Variants in DIP2A observed in about 807,000 individuals in gnomAD.
The protein encoded by DIP2A is DIP2 acetate--CoA ligase A, also known as disco-interacting protein 2 homolog A.
In DIP2A, 85 loss-of-function variants were observed where a neutral mutation model predicts 177.4. That is an observed-to-expected ratio of 0.48 (90% CI 0.40 to 0.57). The LOEUF is 0.57. Ranked by LOEUF, DIP2A falls within the 20% of genes least tolerant of loss-of-function variation. The pLI is 0.00. For missense variants in DIP2A, 1,791 were observed against 2,100.2 expected, an observed-to-expected ratio of 0.85 and a Z score of 2.88; for synonymous variants, 886 against 881.8, an observed-to-expected ratio of 1.00 and a Z score of -0.08.
chr21:46,459,336 C>A, intron 1 of DIP2A, 114 bp downstream of exon 1: 1 of 812,286 alleles, frequency 1.2e-6, no homozygotes, highest in Middle Eastern at 3.8e-4. Flanking sequence ...CCGCCCTTCA[C>A]CCCCGGGACC....
At position 46,514,520 on chromosome 21, in the gene DIP2A, T is replaced by C. The variant is rs553415143; in HGVS notation, c.1102+2906T>C. ...CTTTGTTTACTCATAATTAGAAGTT[T>C]GTCTATATATCTTTTGTATTACCTG... is the stretch of plus-strand genomic sequence containing the variant. On this transcript the variant is annotated intron_variant, in intron 8 of 37. Transcript: ENST00000417564. 3.3e-5 allele frequency among the ~76,000 whole-genome samples: 5 copies of C among 152,136 alleles called. No individual in the cohort carries two copies. The East Asian group carries it at 9.6e-4, about 29-fold the overall frequency.
downstream of DIP2A, among the ~76,000 whole-genome samples, chr21:46,570,839 A>C (rs1241664331): frequency 6.6e-6 from 1 of 152,206 alleles, no homozygotes; most frequent in African/African-American, 2.4e-5. Flanking sequence ...CCTAAATTTG[A>C]TGAAAGACCT....
rs1460744192 is a variant in DIP2A, at chr21:46,509,454, A to T, written c.904+78A>T. 5 of 1,513,596 alleles carry T rather than the reference A, an allele frequency of 3.3e-6. No individual in the cohort carries two copies. The Admixed American group carries it at 6.2e-5, about 19-fold the overall frequency. 93.8% of individuals were successfully genotyped at this position (1,513,596 alleles called of 1,614,324 possible). A position where few individuals can be genotyped will look rare whatever the true frequency, so the allele number is the denominator to read the frequency against. ...GAAGTTGAGAAACACAGGCAAATGTATATTATACATGGATATTGCTATATA... is the reference window on the plus strand; with the variant it reads ...GAAGTTGAGAAACACAGGCAAATGTTTATTATACATGGATATTGCTATATA... On this transcript the variant is annotated intron_variant, in intron 7 of 37. Transcript: ENST00000417564.
At chr21:46,550,774 C>T (rs767603794) in intron 23 of DIP2A, 30 bp downstream of exon 23, 2 of 1,608,930 alleles carry the variant, frequency 1.2e-6, no homozygotes, top group East Asian at 4.5e-5. Flanking sequence ...AGGATGCTCT[C>T]TAGTCTAACA....
At chr21:46,518,658 A>T (rs143090971) in intron 8 of DIP2A, among the ~76,000 whole-genome samples, 5,469 of 152,206 alleles carry the variant, frequency 0.036, 144 homozygotes, top group Middle Eastern at 0.085. Flanking sequence ...GGAGTTTGAG[A>T]CCAGCCTGGC....
At chr21:46,486,214 T>G (rs1460150507) in intron 2 of DIP2A, among the ~76,000 whole-genome samples, 3 of 152,148 alleles carry the variant, frequency 2.0e-5, no homozygotes, top group Non-Finnish European at 2.9e-5. Context: ...GTATGATGAT[T>G]GCACATAAGA....
chr21:46,494,150 T>C (rs1177170500), intron 3 of DIP2A, among the ~76,000 whole-genome samples: 2 of 152,258 alleles, frequency 1.3e-5, no homozygotes, highest in African/African-American at 2.4e-5. Context: ...CCAATGTTCA[T>C]ATGGCTTTTG....
At chr21:46,545,475 G>C (rs899496588) in intron 19 of DIP2A, among the ~76,000 whole-genome samples, 1 of 152,232 alleles carries the variant, frequency 6.6e-6, no homozygotes, top group Non-Finnish European at 1.5e-5. Flanking sequence ...CCAGGACCAG[G>C]CATGCTGTGG....
In DIP2A at chr21:46,537,068, G is replaced by C. The variant is rs771129517; in HGVS notation, c.1643-156G>C. 1.3e-5 allele frequency among the ~76,000 whole-genome samples: 2 copies of C among 152,124 alleles called. No individual in the cohort carries two copies. Among genetic ancestry groups the C allele is most frequent in the Non-Finnish European group, 1.5e-5 (1 of 68,032 alleles). ...TTCCAGTAATTTGAATAGATAACCA[G>C]GATTATTATTAATTGGTATGTGGTA... On this transcript the variant is annotated intron_variant, in intron 13 of 37. Transcript: ENST00000417564. The surrounding 1 kb of genome is among the most constrained non-coding windows in gnomAD (Gnocchi z 4.1).
chr21:46,545,411 G>A (rs2059988757), intron 19 of DIP2A, 138 bp downstream of exon 19: 2 of 1,036,038 alleles, frequency 1.9e-6, no homozygotes, highest in East Asian at 2.4e-5. Flanking sequence ...GGGGCTGTTG[G>A]CACATGGCCT....
chr21:46,560,686 C>T (rs1257934822), intron 32 of DIP2A, 36 bp from the exon 33 acceptor site: 2 of 1,586,136 alleles, frequency 1.3e-6, no homozygotes, highest in Non-Finnish European at 1.7e-6. Flanking sequence ...TAAGTGAGGC[C>T]CCTGAACAGA....
chr21:46,471,591 G>C (rs2055386683), intron 1 of DIP2A, among the ~76,000 whole-genome samples: 1 of 152,174 alleles, frequency 6.6e-6, no homozygotes, highest in Non-Finnish European at 1.5e-5. Context: ...AAAAAGACTA[G>C]GAAGTTATAC....
At chr21:46,482,452 C>T (rs762198554) in intron 1 of DIP2A, among the ~76,000 whole-genome samples, 6 of 152,100 alleles carry the variant, frequency 3.9e-5, no homozygotes, top group Non-Finnish European at 8.8e-5. Flanking sequence ...AAAATCTAAT[C>T]CATATAATTA....
At chr21:46,509,729 A>G (rs2058211272) in intron 7 of DIP2A, among the ~76,000 whole-genome samples, 2 of 152,186 alleles carry the variant, frequency 1.3e-5, no homozygotes, top group Admixed American at 6.5e-5. Flanking sequence ...GCTGCTTTTC[A>G]GAATTTTAGC....
chr21:46,575,615 T>A, the DIP2A span, among the ~76,000 whole-genome samples: 1 of 152,182 alleles, frequency 6.6e-6, no homozygotes, highest in East Asian at 1.9e-4. Flanking sequence ...ACACTCACAA[T>A]GAACAATTCG....
chr21:46,529,291 T>C (rs878993156), intron 9 of DIP2A, 108 bp downstream of exon 9: 3 of 745,520 alleles, frequency 4.0e-6, no homozygotes, highest in South Asian at 3.6e-5. Flanking sequence ...ACAGCATTAA[T>C]ACAAGGGATT....
chr21:46,510,987 G>T (rs1350528545), intron 7 of DIP2A, among the ~76,000 whole-genome samples: 1 of 152,106 alleles, frequency 6.6e-6, no homozygotes, highest in Non-Finnish European at 1.5e-5. Context: ...TAGTTGTTTG[G>T]ATCCCTAGGC....
chr21:46,529,293 C>A, intron 9 of DIP2A, 110 bp downstream of exon 9: 1 of 742,664 alleles, frequency 1.3e-6, no homozygotes, highest in Non-Finnish European at 2.2e-6. Flanking sequence ...AGCATTAATA[C>A]AAGGGATTTA....
Position 46,557,243 on chromosome 21 carries a change from A to T in DIP2A, c.3629+174A>T. 1 of 713,776 alleles carries T rather than the reference A, an allele frequency of 1.4e-6. No homozygotes were observed. The highest frequency in any genetic ancestry group is 2.2e-6 in the Non-Finnish European group (1 of 445,074). 44.2% of individuals were successfully genotyped at this position (713,776 alleles called of 1,614,324 possible). A position where few individuals can be genotyped will look rare whatever the true frequency, so the allele number is the denominator to read the frequency against. On this transcript the variant is annotated intron_variant, in intron 30 of 37. Transcript: ENST00000417564. The surrounding 1 kb of genome is among the most constrained non-coding windows in gnomAD (Gnocchi z 6.0). ...TCTGAGTCTGAAATTGAGTGAAAAT[A>T]CATTTTTCATTAAATACACTGTCCG...
Sources: allele counts gnomAD v4.1 joint callset (sites outside exome capture counted in the v4.1 genomes callset), GRCh38; gene constraint gnomAD v4.1.1; non-coding constraint Gnocchi (gnomAD v3.1); transcripts MANE v1.5; gene names NCBI Gene and HGNC (gene_info 2026-07-23, HGNC 2026-07-21).